The following PIK3C2G variants were observed in gnomAD, a reference collection of about 807,000 sequenced individuals.
The protein encoded by PIK3C2G is phosphatidylinositol 3-kinase C2 domain-containing subunit gamma.
A neutral mutation model predicts 181.1 loss-of-function variants in PIK3C2G; 168 were observed. That is an observed-to-expected ratio of 0.93 (90% confidence interval 0.82 to 1.05). PIK3C2G has a LOEUF of 1.05. Ranked by LOEUF, PIK3C2G falls within the 50% of genes least tolerant of loss-of-function variation. The pLI is 0.00. For synonymous variants in PIK3C2G, 573 were observed against 592.2 expected (o/e 0.97, Z 0.47); for missense variants, 1,869 against 1,732.8 (o/e 1.08, Z -1.40).
the PIK3C2G span, among the ~76,000 whole-genome samples, chr12:18,654,529 A>G: frequency 6.6e-6 from 1 of 152,210 alleles, no homozygotes; most frequent in East Asian, 1.9e-4. Flanking sequence ...ATCAGTATAA[A>G]GGATGAAAAC....
At chr12:18,275,432 A>C (rs1294488606) in intron 1 of PIK3C2G, among the ~76,000 whole-genome samples, 4 of 152,052 alleles carry the variant, frequency 2.6e-5, no homozygotes, top group African/African-American at 9.7e-5. Flanking sequence ...CCCAGGCCGG[A>C]GTGCAGTGAC....
chr12:18,251,928 A>G (rs752477594), intron 1 of PIK3C2G, among the ~76,000 whole-genome samples: 9 of 152,132 alleles, frequency 5.9e-5, no homozygotes, highest in Non-Finnish European at 1.0e-4. Context: ...CCATCTCTGA[A>G]TGCAATAGAC....
Position 18,645,156 on chromosome 12 carries a change from A to G in PIK3C2G, c.4309-2720A>G, listed in dbSNP as rs1388457395. 2.7e-5 allele frequency among the ~76,000 whole-genome samples: 4 copies of G among 146,698 alleles called. No individual in the cohort carries two copies. In the East Asian group the frequency reaches 7.8e-4, roughly 29 times the overall value. The stretch of plus-strand genomic sequence containing the variant: ...TATTTATTTTTGGTTCTGAGTATGT[A>G]CCAGAACCATTTTTTTTTGTTCTGA... On this transcript the variant is annotated intron_variant, in intron 32 of 32. Transcript: ENST00000538779.
At chr12:18,720,743 TAG>T in the PIK3C2G span, among the ~76,000 whole-genome samples, 1 of 152,046 alleles carries the variant, frequency 6.6e-6, no homozygotes, top group Non-Finnish European at 1.5e-5. Context: ...CCTATGGAAG[TAG>T]AGACTCAGAC....
chr12:18,423,801 CAT>C (rs1853696312), intron 17 of PIK3C2G, 142 bp from the exon 18 acceptor site: 1 of 614,886 alleles, frequency 1.6e-6, no homozygotes, highest in Admixed American at 2.6e-5. Context: ...TATACCGACT[CAT>C]AAAATCATCG....
rs749909727 is a variant in PIK3C2G at position 18,615,970 on chromosome 12, T to C, written c.4182+6341T>C. 1.3e-4 allele frequency among the ~76,000 whole-genome samples: 20 copies of C among 152,204 alleles called. No individual in the cohort carries two copies. In the Middle Eastern group the frequency reaches 0.01, roughly 78 times the overall value. On this transcript the variant is annotated intron_variant, in intron 31 of 32. Coordinates refer to ENST00000538779, the MANE Select transcript of PIK3C2G (RefSeq NM_001288772.2). ...ACCTCTCAACACAAAATTTGTATTA[T>C]ATCTAGAAGGATCATTCATTGTTCA... is the stretch of plus-strand genomic sequence containing the variant.
At chr12:18,308,696 A>G (rs1950519335) in intron 5 of PIK3C2G, among the ~76,000 whole-genome samples, 2 of 151,628 alleles carry the variant, frequency 1.3e-5, no homozygotes, top group Admixed American at 6.6e-5. Context: ...GAGTACCCCA[A>G]AAAGAATTTG....
At chr12:18,262,353 C>A (rs528788636) in intron 1 of PIK3C2G, among the ~76,000 whole-genome samples, 48 of 152,136 alleles carry the variant, frequency 3.2e-4, no homozygotes, top group Non-Finnish European at 6.0e-4. Flanking sequence ...AATGCATTAG[C>A]TAATGTAATT....
downstream of PIK3C2G, among the ~76,000 whole-genome samples, chr12:18,650,459 G>GA (rs1201418989): frequency 1.4e-5 from 2 of 146,800 alleles, no homozygotes; most frequent in African/African-American, 5.0e-5. Context: ...TCAAATTACT[G>GA]AAAAAATGTA....
chr12:18,581,404 T>C (rs533581264), intron 29 of PIK3C2G, among the ~76,000 whole-genome samples: 24 of 152,358 alleles, frequency 1.6e-4, no homozygotes, highest in Middle Eastern at 3.4e-3. Flanking sequence ...CAAAGGACAG[T>C]AACTTTAGAT....
At chr12:18,410,378 G>C (rs1944792978) in intron 16 of PIK3C2G, among the ~76,000 whole-genome samples, 1 of 151,984 alleles carries the variant, frequency 6.6e-6, no homozygotes, top group African/African-American at 2.4e-5. Context: ...GGTGGCACAG[G>C]CCTGTAGTCC....
intron 24 of PIK3C2G, among the ~76,000 whole-genome samples, chr12:18,532,590 A>G (rs960518666): frequency 1.3e-5 from 2 of 152,148 alleles, no homozygotes; most frequent in African/African-American, 4.8e-5. Flanking sequence ...TCTTCACTGA[A>G]TTACTTTTAC....
At chr12:18,602,185 GC>G (rs1334412713) in intron 30 of PIK3C2G, among the ~76,000 whole-genome samples, 4 of 152,038 alleles carry the variant, frequency 2.6e-5, no homozygotes, top group Admixed American at 2.6e-4. Context: ...ACAGACTGTT[GC>G]AGGGGGGCAC....
At chr12:18,414,693 CA>C (rs145161770) in intron 16 of PIK3C2G, among the ~76,000 whole-genome samples, 3,864 of 151,590 alleles carry the variant, frequency 0.025, 141 homozygotes, top group African/African-American at 0.084. Context: ...ATAGATAGAT[CA>C]AAAAAAATAA....
At chr12:18,321,838 A>C (rs1951124356) in intron 7 of PIK3C2G, among the ~76,000 whole-genome samples, 2 of 152,168 alleles carry the variant, frequency 1.3e-5, no homozygotes, top group South Asian at 4.1e-4. Context: ...CTAACATAGA[A>C]ACAGAAAACA....
At chr12:18,647,034 T>G (rs1299664906) in intron 32 of PIK3C2G, among the ~76,000 whole-genome samples, 1 of 152,156 alleles carries the variant, frequency 6.6e-6, no homozygotes, top group Non-Finnish European at 1.5e-5. Flanking sequence ...TTAACTGTAA[T>G]TGTCTCCCAA....
chr12:18,338,236 A>T (rs1938737733), intron 8 of PIK3C2G, among the ~76,000 whole-genome samples, 190 bp from the exon 9 acceptor site: 1 of 152,272 alleles, frequency 6.6e-6, no homozygotes, highest in Middle Eastern at 3.4e-3. Context: ...AATTTTGAAC[A>T]TTTGCTCAAT....
At chr12:18,489,998 T>C (rs911369375) in intron 19 of PIK3C2G, among the ~76,000 whole-genome samples, 2 of 152,088 alleles carry the variant, frequency 1.3e-5, no homozygotes, top group Admixed American at 1.3e-4. Flanking sequence ...AAGGAAGAGG[T>C]GGAAGAGGCA....
chr12:18,257,788 GAGAA>G (rs1409739995), upstream of PIK3C2G, among the ~76,000 whole-genome samples: 10 of 144,140 alleles, frequency 6.9e-5, no homozygotes, highest in Non-Finnish European at 1.1e-4. Flanking sequence ...AAGAAAGAAA[GAGAA>G]AGAAAGAAAA....
Sources: allele counts gnomAD v4.1 joint callset (sites outside exome capture counted in the v4.1 genomes callset), GRCh38; gene constraint gnomAD v4.1.1; transcripts MANE v1.5; gene names NCBI Gene and HGNC (gene_info 2026-07-23, HGNC 2026-07-21).